Variants in EXOC6B observed in about 807,000 individuals in gnomAD.
EXOC6B encodes SEC15 homolog B.
In EXOC6B, 54 loss-of-function variants were observed where a neutral mutation model predicts 113.5. That is an observed-to-expected ratio of 0.48 (90% CI 0.38 to 0.60). EXOC6B has a LOEUF of 0.60. Ranked by LOEUF, EXOC6B falls within the 20% of genes least tolerant of loss-of-function variation. The pLI is 0.00. For synonymous variants in EXOC6B, 357 were observed against 339.0 expected, an observed-to-expected ratio of 1.05 and a Z score of -0.58; for missense variants, 797 against 977.5, an observed-to-expected ratio of 0.82 and a Z score of 2.46.
At chr2:72,259,726 A>C (rs1322881299) in intron 20 of EXOC6B, among the ~76,000 whole-genome samples, 3 of 152,110 alleles carry the variant, frequency 2.0e-5, no homozygotes, top group African/African-American at 7.2e-5. Flanking sequence ...GTGTCACCCT[A>C]GCATGCCATG....
At chr2:72,707,539 G>A (rs556237100) in intron 6 of EXOC6B, among the ~76,000 whole-genome samples, 8 of 151,050 alleles carry the variant, frequency 5.3e-5, no homozygotes, top group Non-Finnish European at 1.0e-4. Context: ...TCAGCCTCCC[G>A]AGTAGCTGGG....
chr2:72,581,965 A>G (rs1705250470), intron 6 of EXOC6B, among the ~76,000 whole-genome samples: 1 of 152,134 alleles, frequency 6.6e-6, no homozygotes, highest in Non-Finnish European at 1.5e-5. Flanking sequence ...CCCAATAAAC[A>G]AGGGTCAGAT....
At chr2:72,661,878 G>A (rs947863588) in intron 6 of EXOC6B, among the ~76,000 whole-genome samples, 2 of 152,054 alleles carry the variant, frequency 1.3e-5, no homozygotes. Context: ...ATCGACATCA[G>A]TAGAACAGAA....
intron 18 of EXOC6B, among the ~76,000 whole-genome samples, chr2:72,422,087 G>A (rs1280614286): frequency 6.6e-6 from 1 of 152,236 alleles, no homozygotes; most frequent in Non-Finnish European, 1.5e-5. Flanking sequence ...GGGACCTGCA[G>A]CCCGCCATGC....
At chr2:72,402,985 A>G (rs1187891348) in intron 18 of EXOC6B, among the ~76,000 whole-genome samples, 2 of 152,202 alleles carry the variant, frequency 1.3e-5, no homozygotes, top group Non-Finnish European at 2.9e-5. Flanking sequence ...TTTAAAAACC[A>G]AGACCAAAAA....
intron 20 of EXOC6B, among the ~76,000 whole-genome samples, chr2:72,270,316 T>C (rs1684405815): frequency 6.6e-6 from 1 of 152,116 alleles, no homozygotes; most frequent in African/African-American, 2.4e-5. Context: ...TCTCAGGGGA[T>C]CCTGAGCAGG....
intron 6 of EXOC6B, among the ~76,000 whole-genome samples, chr2:72,667,618 T>C (rs182556250): frequency 6.6e-5 from 10 of 152,182 alleles, no homozygotes; most frequent in Non-Finnish European, 1.2e-4. Context: ...AAAAGAGCAA[T>C]AGGGAAAAGA....
chr2:72,782,851 A>C (rs1366832929), intron 1 of EXOC6B, among the ~76,000 whole-genome samples: 1 of 152,202 alleles, frequency 6.6e-6, no homozygotes, highest in Non-Finnish European at 1.5e-5. Context: ...TGCAAATGAC[A>C]TGATTTCATT....
rs769329371 is a variant in EXOC6B at position 72,718,087 on chromosome 2, T to C, written c.669+16A>G. ...GATAAAGCCACTGGCCAACCTATCA[T>C]AAACCCAAGACCTACTTGCTTCATG... is the stretch of plus-strand genomic sequence containing the variant. On this transcript the variant is annotated intron_variant, in intron 6 of 21. Coordinates refer to ENST00000272427, the MANE Select transcript of EXOC6B (RefSeq NM_015189.3). 11 of 1,586,784 alleles carry C rather than the reference T, an allele frequency of 6.9e-6. No individual in the cohort carries two copies. Among genetic ancestry groups the C allele is most frequent in the South Asian group, 1.2e-5 (1 of 85,394 alleles).
intron 8 of EXOC6B, among the ~76,000 whole-genome samples, chr2:72,551,310 G>A (rs967297456): frequency 1.3e-5 from 2 of 151,346 alleles, no homozygotes; most frequent in Non-Finnish European, 2.9e-5. Flanking sequence ...CGATTCTCCT[G>A]CCTCAGCCTC....
At chr2:72,557,365 C>T (rs1310323967) in intron 8 of EXOC6B, among the ~76,000 whole-genome samples, 2 of 138,332 alleles carry the variant, frequency 1.4e-5, no homozygotes, top group African/African-American at 5.7e-5. Context: ...CTTATCTATA[C>T]CTGTGATTGA....
At chr2:72,618,070 G>A (rs528954036) in intron 6 of EXOC6B, among the ~76,000 whole-genome samples, 9 of 152,084 alleles carry the variant, frequency 5.9e-5, no homozygotes, top group South Asian at 2.1e-4. Context: ...AAAGAGGAAA[G>A]ATTAAGAAAT....
At chr2:72,797,691 G>A (rs1685042677) in intron 1 of EXOC6B, among the ~76,000 whole-genome samples, 1 of 152,128 alleles carries the variant, frequency 6.6e-6, no homozygotes, top group Non-Finnish European at 1.5e-5. Context: ...GCAGGCACCT[G>A]TAATCCCAGC....
chr2:72,653,121 G>T (rs905889725), intron 6 of EXOC6B, among the ~76,000 whole-genome samples: 3 of 151,758 alleles, frequency 2.0e-5, no homozygotes, highest in African/African-American at 7.3e-5. Context: ...GTTTATTGCG[G>T]CTCTATTCGC....
chr2:72,723,649 G>A (rs1163678017), intron 5 of EXOC6B, among the ~76,000 whole-genome samples: 12 of 150,828 alleles, frequency 8.0e-5, no homozygotes, highest in Non-Finnish European at 2.9e-5. Context: ...TAACAAATAC[G>A]TAATTTCTTC....
At chr2:72,560,738 A>G (rs1245516322) in intron 7 of EXOC6B, among the ~76,000 whole-genome samples, 1 of 152,134 alleles carries the variant, frequency 6.6e-6, no homozygotes, top group Non-Finnish European at 1.5e-5. Flanking sequence ...GTTCCTTGAT[A>G]GCACTGTATA....
chr2:72,308,205 A>T (rs139210297), intron 20 of EXOC6B, among the ~76,000 whole-genome samples: 1 of 152,224 alleles, frequency 6.6e-6, no homozygotes. Flanking sequence ...ACCCTCCAGG[A>T]AATGCCCATG....
At chr2:72,674,485 A>G (rs1184065648) in intron 6 of EXOC6B, among the ~76,000 whole-genome samples, 1 of 152,166 alleles carries the variant, frequency 6.6e-6, no homozygotes, top group African/African-American at 2.4e-5. Context: ...ACATATTTTC[A>G]TTTACTACAA....
intron 15 of EXOC6B, among the ~76,000 whole-genome samples, chr2:72,494,157 G>A (rs899521924): frequency 6.6e-6 from 1 of 151,992 alleles, no homozygotes; most frequent in Non-Finnish European, 1.5e-5. Context: ...GCAAGAAAAA[G>A]GCATCTGACA....
Sources: allele counts gnomAD v4.1 joint callset (sites outside exome capture counted in the v4.1 genomes callset), GRCh38; gene constraint gnomAD v4.1.1; transcripts MANE v1.5; gene names NCBI Gene and HGNC (gene_info 2026-07-23, HGNC 2026-07-21).